CDH13: variants seen among roughly 807,000 people sequenced by gnomAD.
The protein encoded by CDH13 is cadherin 13, also known as cadherin-13.
Under a neutral mutation model 63.8 loss-of-function variants are expected in CDH13, and 24 were observed. The ratio of observed to expected loss-of-function variants is 0.38; its 90% confidence interval spans 0.27 to 0.53. The LOEUF (loss-of-function observed/expected upper bound fraction) is 0.53, where lower values mean the gene tolerates loss of function less well. Among genes scored for constraint, CDH13 ranks in the 20% least tolerant of loss-of-function variants. The pLI is 0.85. For missense variants in CDH13, 1,049 were observed against 903.1 expected (o/e 1.16, Z -2.07); for synonymous variants, 503 against 355.3 (o/e 1.42, Z -4.67).
At chr16:82,696,500 T>C (rs1299670288) in intron 1 of CDH13, among the ~76,000 whole-genome samples, 3 of 152,214 alleles carry the variant, frequency 2.0e-5, no homozygotes, top group Admixed American at 2.0e-4. Context: ...TGCAGTTAAG[T>C]TCTGCACCTT....
chr16:83,401,302 G>C (rs533829121), intron 6 of CDH13, among the ~76,000 whole-genome samples: 6 of 151,136 alleles, frequency 4.0e-5, no homozygotes, highest in Admixed American at 3.3e-4. Flanking sequence ...TCACGCCATT[G>C]CACTCCAGCC....
intron 8 of CDH13, among the ~76,000 whole-genome samples, chr16:83,645,315 T>C (rs1020390321): frequency 6.6e-6 from 1 of 152,188 alleles, no homozygotes; most frequent in African/African-American, 2.4e-5. Flanking sequence ...AACTACTGCA[T>C]GTTCTCACTT....
At chr16:83,550,142 G>A (rs2075463902) in intron 7 of CDH13, among the ~76,000 whole-genome samples, 1 of 152,206 alleles carries the variant, frequency 6.6e-6, no homozygotes, top group South Asian at 2.1e-4. Context: ...TTTGCCAGGG[G>A]AAATGTATTC....
chr16:83,009,911 A>T (rs1249448334), intron 2 of CDH13, among the ~76,000 whole-genome samples: 1 of 152,092 alleles, frequency 6.6e-6, no homozygotes, highest in East Asian at 1.9e-4. Flanking sequence ...AGGCAGGTGG[A>T]TCACCTGAGG....
intron 3 of CDH13, among the ~76,000 whole-genome samples, chr16:83,099,943 C>G (rs970536726): frequency 7.2e-5 from 11 of 152,200 alleles, no homozygotes; most frequent in African/African-American, 2.7e-4. Flanking sequence ...AGCACCCACA[C>G]TGTCCTACAA....
chr16:82,885,180 G>T (rs1156760064), intron 2 of CDH13, among the ~76,000 whole-genome samples: 1 of 152,144 alleles, frequency 6.6e-6, no homozygotes, highest in East Asian at 1.9e-4. Flanking sequence ...TATATTATGA[G>T]CACTACTCTT....
intron 3 of CDH13, among the ~76,000 whole-genome samples, chr16:83,091,762 A>G (rs537557103): frequency 6.6e-6 from 1 of 152,232 alleles, no homozygotes; most frequent in Non-Finnish European, 1.5e-5. Flanking sequence ...ACTACATACT[A>G]TATCCCCAGC....
At position 82,627,110 on chromosome 16, in the gene CDH13, G is replaced by T; in HGVS notation, c.18G>T (p.Pro6=). The change falls in exon 1 of 14, where the codon CCG becomes CCT. Residue 6 remains proline (P), a synonymous_variant. Transcript: ENST00000567109. ...CGGACAAAATGCAGCCGAGAACTCC[G>T]CTCGTTCTGTGCGTTCTCCTGTCCC... MQPRT[P]LVLCVLLSQV... The T allele has an allele frequency of 6.2e-7, 1 of 1,606,130 alleles. No homozygotes were observed. Among genetic ancestry groups the T allele is most frequent in the South Asian group, 1.1e-5 (1 of 89,362 alleles).
intron 4 of CDH13, among the ~76,000 whole-genome samples, chr16:83,164,793 A>G (rs920269881): frequency 2.6e-5 from 4 of 151,870 alleles, no homozygotes; most frequent in South Asian, 4.2e-4. Flanking sequence ...AATAGAGACT[A>G]CCAATAACCA....
intron 1 of CDH13, among the ~76,000 whole-genome samples, chr16:82,755,151 T>C (rs919988668): frequency 3.9e-5 from 6 of 152,212 alleles, no homozygotes; most frequent in African/African-American, 1.2e-4. Context: ...CAAATCCAGC[T>C]GGTCATCTAG....
At chr16:83,710,518 C>T (rs1450650751) in intron 10 of CDH13, 1 of 149,436 alleles carries the variant, frequency 6.7e-6, no homozygotes, top group Non-Finnish European at 1.5e-5. Flanking sequence ...GGGATGTTGG[C>T]AAATTCAGGT....
At chr16:83,100,440 G>A (rs1481878076) in intron 3 of CDH13, among the ~76,000 whole-genome samples, 1 of 152,176 alleles carries the variant, frequency 6.6e-6, no homozygotes, top group Non-Finnish European at 1.5e-5. Context: ...GAAGGGTGGT[G>A]AATTTTTTCA....
chr16:82,660,784 T>C (rs1217720555), intron 1 of CDH13, among the ~76,000 whole-genome samples: 4 of 152,144 alleles, frequency 2.6e-5, no homozygotes, highest in Non-Finnish European at 5.9e-5. Flanking sequence ...TGGTTTTCTT[T>C]CCCCCCTCGT....
rs546386292 is a variant in CDH13, at chr16:83,546,355, A to T, written c.961-56099A>T. Among the ~76,000 whole-genome samples, 4 of 152,154 alleles carry T rather than the reference A, an allele frequency of 2.6e-5. No homozygotes were observed. In the East Asian group the frequency reaches 7.7e-4, roughly 29 times the overall value. On this transcript the variant is annotated intron_variant, in intron 7 of 13. Transcript: ENST00000567109. The stretch of plus-strand genomic sequence containing the variant: ...GCAGATAGCCACAGGTGATGGCTCA[A>T]GTGCCTTCATTTAATTTAACTTAAA...
At chr16:82,738,905 C>G (rs1358768943) in intron 1 of CDH13, among the ~76,000 whole-genome samples, 1 of 152,212 alleles carries the variant, frequency 6.6e-6, no homozygotes, top group Non-Finnish European at 1.5e-5. Context: ...CAGTGGCTGT[C>G]TTACTAACTT....
At chr16:83,027,690 A>T (rs1010071747) in intron 2 of CDH13, among the ~76,000 whole-genome samples, 13 of 152,154 alleles carry the variant, frequency 8.5e-5, no homozygotes, top group Admixed American at 8.5e-4. Context: ...TCCTCCAGGG[A>T]GCAGAGCTGT....
At chr16:83,178,238 G>T (rs188248189) in intron 4 of CDH13, among the ~76,000 whole-genome samples, 1 of 152,182 alleles carries the variant, frequency 6.6e-6, no homozygotes, top group African/African-American at 2.4e-5. Context: ...GCTTATAAAA[G>T]GATGTTTAAT....
rs139251722 is a variant in CDH13, at chr16:83,559,316, A to C, written c.961-43138A>C. ...GCCAGACATGGTGGTTCACACCTGT[A>C]ATCCCAACACTTTGGGAGGCCGAGG... On this transcript the variant is annotated intron_variant, in intron 7 of 13. Coordinates refer to ENST00000567109, the MANE Select transcript of CDH13 (RefSeq NM_001257.5). 6.6e-3 allele frequency among the ~76,000 whole-genome samples: 1,006 copies of C among 152,298 alleles called. 15 individuals are homozygous for C. The highest frequency in any genetic ancestry group is 0.022 in the African/African-American group (932 of 41,558).
intron 2 of CDH13, among the ~76,000 whole-genome samples, chr16:82,884,850 T>C (rs778157278): frequency 1.3e-5 from 2 of 152,216 alleles, no homozygotes; most frequent in African/African-American, 2.4e-5. Context: ...CATCAACTTA[T>C]AACGTAAAGA....
Sources: gnomAD v4.1 joint callset for allele counts (sites outside exome capture counted in the v4.1 genomes callset) on GRCh38, gnomAD v4.1.1 for gene constraint, MANE v1.5 for transcripts, NCBI Gene and HGNC (gene_info 2026-07-23, HGNC 2026-07-21) for gene names.